KDM4B: variants seen among roughly 807,000 people sequenced by gnomAD.
KDM4B encodes the protein lysine-specific demethylase 4B.
KDM4B carries 32 observed loss-of-function variants against 125.2 expected under a neutral mutation model. The ratio of observed to expected loss-of-function variants is 0.26; its 90% CI spans 0.19 to 0.34. The LOEUF is 0.34. KDM4B is among the 10% of genes least tolerant of loss of function. The probability of loss-of-function intolerance (pLI) is 1.00; values close to 1 mark genes in which losing one functional copy is unlikely to be tolerated. For missense variants in KDM4B, 1,190 were observed against 1,577.7 expected, an observed-to-expected ratio of 0.75 and a Z score of 4.16; for synonymous variants, 721 against 677.9, an observed-to-expected ratio of 1.06 and a Z score of -0.99.
At position 5,144,162 on chromosome 19, in the gene KDM4B, T is replaced by C; in HGVS notation, c.2736+10T>C. 2 of 1,593,972 alleles carry C rather than the reference T, an allele frequency of 1.3e-6. No individual in the cohort carries two copies. Among genetic ancestry groups the C allele is most frequent in the Non-Finnish European group, 8.6e-7 (1 of 1,165,658 alleles). Reference sequence around the variant, plus strand: ...GTCGGGGGGTCACGCTGTGAGTGCCTGCCCGCCTCCTTGCCCCCAGCCCCT... The same window carrying C: ...GTCGGGGGGTCACGCTGTGAGTGCCCGCCCGCCTCCTTGCCCCCAGCCCCT... On this transcript the variant is annotated intron_variant, in intron 19 of 22. Transcript: ENST00000159111.
At chr19:4,992,453 T>G (rs1306175781) in intron 1 of KDM4B, among the ~76,000 whole-genome samples, 2 of 152,054 alleles carry the variant, frequency 1.3e-5, no homozygotes, top group Non-Finnish European at 2.9e-5. Flanking sequence ...ACCTGTACTT[T>G]TTTTTTTTCC....
chr19:5,110,952 C>T (rs977782968), intron 10 of KDM4B, 134 bp downstream of exon 10: 13 of 682,328 alleles, frequency 1.9e-5, no homozygotes, highest in African/African-American at 1.5e-4. Context: ...ATTCCCACCC[C>T]GCCTCCTCTT....
rs2038306752 is a variant in KDM4B at position 5,081,882 on chromosome 19, A to C, written c.781-485A>C. Among the ~76,000 whole-genome samples the C allele has an allele frequency of 6.6e-6, 1 of 152,150 alleles. No homozygotes were observed. The highest frequency in any genetic ancestry group is 1.5e-5 in the Non-Finnish European group (1 of 68,018). ...AGTGTCTTGTCTTCAGAGCACTCTAAAGCTGCTGTCAGCACCACCCGCCCC... is the reference window on the plus strand; with the variant it reads ...AGTGTCTTGTCTTCAGAGCACTCTACAGCTGCTGTCAGCACCACCCGCCCC... On this transcript the variant is annotated intron_variant, in intron 8 of 22. Coordinates refer to ENST00000159111, the MANE Select transcript of KDM4B (RefSeq NM_015015.3). The surrounding 1 kb of genome is among the most constrained non-coding windows in gnomAD (Gnocchi z 4.2).
intron 11 of KDM4B, among the ~76,000 whole-genome samples, chr19:5,130,863 G>A (rs1030838921): frequency 1.3e-5 from 2 of 152,258 alleles, no homozygotes; most frequent in Admixed American, 6.5e-5. Context: ...GCGTTGTGGG[G>A]AGACCAAGGC....
chr19:5,092,163 G>A (rs1446382598), intron 9 of KDM4B, among the ~76,000 whole-genome samples: 2 of 150,414 alleles, frequency 1.3e-5, no homozygotes, highest in Non-Finnish European at 1.5e-5. Context: ...TCTAGGAGAG[G>A]AGTGGTCTGG....
chr19:5,056,810 G>A (rs1186648531), intron 6 of KDM4B, among the ~76,000 whole-genome samples: 1 of 151,946 alleles, frequency 6.6e-6, no homozygotes, highest in Non-Finnish European at 1.5e-5. Flanking sequence ...TGGGAGCCCT[G>A]GGGCGGGGAG....
chr19:4,977,693 C>A (rs2034496069), intron 1 of KDM4B, among the ~76,000 whole-genome samples: 1 of 152,202 alleles, frequency 6.6e-6, no homozygotes. Flanking sequence ...CAGAGCCAGC[C>A]TGAAACTACC....
At chr19:5,051,650 C>T (rs946046734) in intron 6 of KDM4B, among the ~76,000 whole-genome samples, 8 of 152,208 alleles carry the variant, frequency 5.3e-5, no homozygotes, top group African/African-American at 1.7e-4. Flanking sequence ...GCCACAGAGG[C>T]CTCTGCTCAG....
intron 9 of KDM4B, among the ~76,000 whole-genome samples, chr19:5,090,655 C>A (rs1364237293): frequency 7.7e-6 from 1 of 129,226 alleles, no homozygotes; most frequent in Non-Finnish European, 1.7e-5. Flanking sequence ...CCGGCCCCCC[C>A]TTCCCCCCAC....
intron 3 of KDM4B, among the ~76,000 whole-genome samples, chr19:5,038,440 C>T (rs898531381): frequency 2.0e-5 from 3 of 152,232 alleles, no homozygotes; most frequent in Non-Finnish European, 4.4e-5. Flanking sequence ...CCAGAAAGAG[C>T]CGGCGCTAAC....
chr19:5,081,091 C>G lies in KDM4B; in HGVS notation c.781-1276C>G, dbSNP rs145659471. On this transcript the variant is annotated intron_variant, in intron 8 of 22. Coordinates refer to ENST00000159111, the MANE Select transcript of KDM4B (RefSeq NM_015015.3). This position sits in a 1 kb window ranked among gnomAD's most constrained non-coding sequence, Gnocchi z 4.2. ...GCCTGGGGGCCCGGCATGTTTTGTT[C>G]CTGTCTGGATCAGTGGTTACGCCCA... 6.6e-6 allele frequency: 1 copy of G among 152,252 alleles called. No homozygotes were observed. Among genetic ancestry groups the G allele is most frequent in the East Asian group, 1.9e-4 (1 of 5,180 alleles). 9.4% of individuals were successfully genotyped at this position (152,252 alleles called of 1,614,324 possible).
chr19:5,043,842 CTG>C (rs2036927215), intron 5 of KDM4B, among the ~76,000 whole-genome samples: 1 of 98,868 alleles, frequency 1.0e-5, no homozygotes, highest in South Asian at 3.6e-4. Flanking sequence ...TTATCCCACT[CTG>C]TGTTTATCGG....
chr19:4,999,583 T>C (rs2035303235), intron 1 of KDM4B, among the ~76,000 whole-genome samples: 1 of 152,130 alleles, frequency 6.6e-6, no homozygotes, highest in Non-Finnish European at 1.5e-5. Flanking sequence ...TGTGTACATC[T>C]TACACACATG....
At chr19:5,146,326 T>A (rs892972704) in intron 21 of KDM4B, among the ~76,000 whole-genome samples, 24 of 150,830 alleles carry the variant, frequency 1.6e-4, no homozygotes, top group Admixed American at 6.6e-5. Flanking sequence ...CCATGCAGGC[T>A]GGCCCCACCC....
Position 5,110,687 on chromosome 19 carries a change from G to C in KDM4B, c.984G>C (p.Glu328Asp). Residue 328 changes from glutamate to aspartate, a missense_variant, in exon 10 of 23, where the codon GAG becomes GAC. Coordinates refer to ENST00000159111, the MANE Select transcript of KDM4B (RefSeq NM_015015.3). Reference sequence around the variant, plus strand: ...TGTTCGTGCGCATCCTGCAGCCCGAGCGCTACGAGCTGTGGAAGCAGGGCA... The same window carrying C: ...TGTTCGTGCGCATCCTGCAGCCCGACCGCTACGAGCTGTGGAAGCAGGGCA... ...MDVFVRILQP[E>D]RYELWKQGKD... 2 of 1,613,056 alleles carry C rather than the reference G, an allele frequency of 1.2e-6. No individual in the cohort carries two copies. The highest frequency in any genetic ancestry group is 1.7e-6 in the Non-Finnish European group (2 of 1,179,906).
chr19:5,111,113 C>T (rs554179820), intron 10 of KDM4B, among the ~76,000 whole-genome samples: 23 of 152,358 alleles, frequency 1.5e-4, no homozygotes, highest in Admixed American at 1.5e-3. Flanking sequence ...TGTCATGTCC[C>T]CGCCAGGAGG....
intron 11 of KDM4B, among the ~76,000 whole-genome samples, chr19:5,120,194 C>T (rs1040749917): frequency 6.6e-6 from 1 of 152,158 alleles, no homozygotes; most frequent in African/African-American, 2.4e-5. Context: ...AAAATTTAAC[C>T]AGGCTTGGTG....
At chr19:5,011,182 G>A (rs1219936291) in intron 1 of KDM4B, among the ~76,000 whole-genome samples, 2 of 152,074 alleles carry the variant, frequency 1.3e-5, no homozygotes, top group African/African-American at 2.4e-5. Flanking sequence ...CCCAGCCCTG[G>A]AATTGACCAC....
At chr19:5,066,587 G>A (rs1044643159) in intron 6 of KDM4B, among the ~76,000 whole-genome samples, 2 of 152,308 alleles carry the variant, frequency 1.3e-5, no homozygotes, top group East Asian at 3.9e-4. Context: ...TCTCACCCAC[G>A]CTGCTTTGGC....
Sources: gnomAD v4.1 joint callset for allele counts (sites outside exome capture counted in the v4.1 genomes callset) on GRCh38, gnomAD v4.1.1 for gene constraint, Gnocchi (gnomAD v3.1) non-coding constraint, MANE v1.5 for transcripts, NCBI Gene and HGNC (gene_info 2026-07-23, HGNC 2026-07-21) for gene names.